Variants in AK6 observed in about 807,000 individuals in gnomAD.
AK6 encodes adenylate kinase isoenzyme 6.
AK6 carries 24 observed loss-of-function variants against 23.7 expected under a neutral mutation model. The ratio of observed to expected loss-of-function variants is 1.01; its 90% CI spans 0.73 to 1.43. The LOEUF (loss-of-function observed/expected upper bound fraction) is 1.43, where lower values mean the gene tolerates loss of function less well. Among genes scored for constraint, AK6 ranks in the 40% most tolerant of loss-of-function variants. AK6 has a pLI of 0.00. For missense variants in AK6, 191 were observed against 199.1 expected, an observed-to-expected ratio of 0.96 and a Z score of 0.24; for synonymous variants, 73 against 69.8, an observed-to-expected ratio of 1.05 and a Z score of -0.23.
intron 4 of AK6, 26 bp downstream of exon 4, chr5:69,355,623 A>G (rs1762063149): frequency 6.4e-7 from 1 of 1,565,932 alleles, no homozygotes; most frequent in South Asian, 1.2e-5. Context: ...TTATGCTTTA[A>G]GAATCTAATG....
chr5:69,366,713 A>G (rs1762442788), intron 1 of AK6, 118 bp from the exon 2 acceptor site: 2 of 741,450 alleles, frequency 2.7e-6, no homozygotes, highest in African/African-American at 1.8e-5. Flanking sequence ...CTGCCCTTAA[A>G]AGTTCTTGAC....
chr5:69,363,417 G>A (rs1762294676), intron 2 of AK6, among the ~76,000 whole-genome samples: 1 of 152,224 alleles, frequency 6.6e-6, no homozygotes, highest in Non-Finnish European at 1.5e-5. Context: ...ACTATTATGT[G>A]ACTCAGAAAT....
At chr5:69,369,766 T>C (rs1762802175), upstream of AK6, 8 of 1,473,044 alleles carry the variant, frequency 5.4e-6, no homozygotes, top group Non-Finnish European at 7.4e-6. Flanking sequence ...ACTCCTTCGG[T>C]GGTCCCCGCC....
intron 2 of AK6, among the ~76,000 whole-genome samples, chr5:69,356,294 G>T (rs55764482): frequency 2.6e-5 from 4 of 152,224 alleles, no homozygotes; most frequent in African/African-American, 9.6e-5. Context: ...ACAGATTGGC[G>T]GGAAGAGGAA....
At chr5:69,356,032 G>T in intron 2 of AK6, 79 bp from the exon 3 acceptor site, 2 of 1,198,988 alleles carry the variant, frequency 1.7e-6, no homozygotes, top group South Asian at 2.8e-5. Flanking sequence ...TAGACTTCAG[G>T]AAAGGAAATG....
chr5:69,369,574 AAAGCCCACGGCCCCAAAGGCCCCG>A (rs1406636861), upstream of AK6: 2 of 1,605,654 alleles, frequency 1.2e-6, no homozygotes, highest in Non-Finnish European at 1.7e-6. Context: ...GGCGGCAGCA[AAAGCCCACGGCCCCAAAGGCCCCG>A]AAGCCCACCG....
chr5:69,369,118 G>C (rs1762695670), intron 1 of AK6: 1 of 417,150 alleles, frequency 2.4e-6, no homozygotes, highest in South Asian at 4.6e-5. Flanking sequence ...AAAATCCCAA[G>C]GCCAACCCTG....
intron 4 of AK6, 22 bp downstream of exon 4, chr5:69,355,627 T>A (rs745882532): frequency 1.3e-6 from 2 of 1,569,914 alleles, no homozygotes; most frequent in Non-Finnish European, 8.6e-7. Context: ...GCTTTAAGAA[T>A]CTAATGTTTT....
chr5:69,366,776 G>C (rs527472499), intron 1 of AK6, 181 bp from the exon 2 acceptor site: 725 of 578,492 alleles, frequency 1.3e-3, no homozygotes, highest in Non-Finnish European at 2.0e-3. Flanking sequence ...TTTTTTTTTT[G>C]AGACAGAGTT....
intron 2 of AK6, chr5:69,365,152 A>C: frequency 6.2e-7 from 1 of 1,614,202 alleles, no homozygotes; most frequent in Non-Finnish European, 8.5e-7. Flanking sequence ...ACAGCTGGAG[A>C]CTGAGAAGTA....
chr5:69,355,676 T>C lies in AK6; in HGVS notation c.299A>G (p.Asn100Ser), dbSNP rs376675655. ...HIVFVLRTDT[N>S]VLYERLETRG... ...TGTTTCAAGTCTTTCGTACAATACATTGGTATCTGTTCTCAGCACAAAAAC... is the reference window on the plus strand; with the variant it reads ...TGTTTCAAGTCTTTCGTACAATACACTGGTATCTGTTCTCAGCACAAAAAC... Residue 100 changes from asparagine (N) to serine (S), a missense_variant, in exon 4 of 5, where the codon AAT becomes AGT. Coordinates refer to ENST00000380822, the MANE Select transcript of AK6 (RefSeq NM_016283.5). 6.2e-7 allele frequency: 1 copy of C among 1,612,752 alleles called. No individual in the cohort carries two copies.
intron 2 of AK6, among the ~76,000 whole-genome samples, chr5:69,363,469 C>G (rs1421599422): frequency 6.6e-6 from 1 of 152,174 alleles, no homozygotes; most frequent in Non-Finnish European, 1.5e-5. Context: ...AGGAACAAAA[C>G]CACATTTCAT....
At chr5:69,365,524 G>T (rs1178884229) in intron 2 of AK6, 3 of 1,613,648 alleles carry the variant, frequency 1.9e-6, no homozygotes, top group Non-Finnish European at 2.5e-6. Flanking sequence ...ATTGCCAATC[G>T]CACATCATCT....
intron 2 of AK6, chr5:69,365,545 T>C (rs1762385751): frequency 9.3e-6 from 15 of 1,613,934 alleles, no homozygotes; most frequent in Non-Finnish European, 1.2e-5. Context: ...GCATCAACAG[T>C]AGCTTTCTTA....
rs549583341 is a variant in AK6 at position 69,351,239 on chromosome 5, G to T, written c.*822C>A. On this transcript the variant is annotated 3_prime_UTR_variant, in exon 5 of 5. Transcript: ENST00000380822. ...GTCTAAGGTCTCACTATGTTGCCCA[G>T]GCTGGTCTTGAACTCCTGCCTCAAG... 1 of 151,994 alleles carries T rather than the reference G, an allele frequency of 6.6e-6. No homozygotes were observed. Among genetic ancestry groups the T allele is most frequent in the African/African-American group, 2.4e-5 (1 of 41,286 alleles). 9.4% of individuals were successfully genotyped at this position (151,994 alleles called of 1,614,324 possible). A position where few individuals can be genotyped will look rare whatever the true frequency, so the allele number is the denominator to read the frequency against.
chr5:69,357,202 T>C (rs1358824948), intron 2 of AK6, among the ~76,000 whole-genome samples: 1 of 152,212 alleles, frequency 6.6e-6, no homozygotes, highest in Non-Finnish European at 1.5e-5. Flanking sequence ...CAGTTGTAAC[T>C]CCTTGTCTTG....
Position 69,352,160 on chromosome 5 carries a change from G to T in AK6, c.420C>A (p.Ile140=), listed in dbSNP as rs776574961. ...EEATASYKEE[I]VHQLPSNKPE... ...GTTTATTACTGGGCAGCTGATGCAC[G>T]ATTTCTTCCTTGTAGGATGCTGTGG... Residue 140 remains isoleucine (I), a synonymous_variant, in exon 5 of 5, where the codon ATC becomes ATA. Transcript: ENST00000380822. The T allele has an allele frequency of 1.9e-6, 3 of 1,613,744 alleles. No homozygotes were observed. The highest frequency in any genetic ancestry group is 2.7e-5 in the African/African-American group (2 of 74,906).
chr5:69,363,512 C>T (rs1035316613), intron 2 of AK6, among the ~76,000 whole-genome samples: 4 of 152,278 alleles, frequency 2.6e-5, no homozygotes, highest in Non-Finnish European at 5.9e-5. Flanking sequence ...GGGCTGGGCG[C>T]GGTGGCCCAC....
In AK6 at chr5:69,355,640, C is replaced by T. The variant is rs775003608; in HGVS notation, c.326+9G>A. ...ATGCTTTAAGAATCTAATGTTTTTC[C>T]TTTCTTACCTTGTTTCAAGTCTTTC... On this transcript the variant is annotated intron_variant, in intron 4 of 4. Coordinates refer to ENST00000380822, the MANE Select transcript of AK6 (RefSeq NM_016283.5). The T allele has an allele frequency of 2.7e-5, 42 of 1,577,706 alleles. No homozygotes were observed. In the African/African-American group the frequency reaches 5.2e-4, roughly 20 times the overall value.
Sources: allele counts gnomAD v4.1 joint callset (sites outside exome capture counted in the v4.1 genomes callset), GRCh38; gene constraint gnomAD v4.1.1; transcripts MANE v1.5; gene names NCBI Gene and HGNC (gene_info 2026-07-23, HGNC 2026-07-21).